The following ZNF433 variants were observed in gnomAD, a reference collection of about 807,000 sequenced individuals.
ZNF433 encodes the protein zinc finger protein 433.
In ZNF433, 12 loss-of-function variants were observed where a neutral mutation model predicts 10.6. The ratio of observed to expected loss-of-function variants is 1.13; its 90% CI spans 0.72 to 1.83. The LOEUF is 1.83. ZNF433 is among the 40% of genes most tolerant of loss of function. ZNF433 has a pLI of 0.00. For synonymous variants in ZNF433, 272 were observed against 271.3 expected, an observed-to-expected ratio of 1.00 and a Z score of -0.02; for missense variants, 737 against 798.0, an observed-to-expected ratio of 0.92 and a Z score of 0.92.
intron 1 of ZNF433, among the ~76,000 whole-genome samples, chr19:12,020,103 C>A (rs1974411092): frequency 6.6e-6 from 1 of 152,076 alleles, no homozygotes; most frequent in African/African-American, 2.4e-5. Context: ...GAAACCCCAT[C>A]TCTACTAAAA....
chr19:12,026,583 C>T (rs928605396), intron 1 of ZNF433: 2 of 406,964 alleles, frequency 4.9e-6, no homozygotes, highest in Non-Finnish European at 9.8e-6. Context: ...GACACAGTTA[C>T]ACATGCTTTC....
intron 3 of ZNF433, among the ~76,000 whole-genome samples, chr19:12,017,082 T>A (rs1299063434): frequency 6.6e-6 from 1 of 152,132 alleles, no homozygotes; most frequent in Non-Finnish European, 1.5e-5. Flanking sequence ...ACTGTAGGCT[T>A]TCTGCCCTGT....
In ZNF433 at chr19:12,035,626, G is replaced by A; in HGVS notation, c.-87C>T. On this transcript the variant is annotated 5_prime_UTR_variant, in exon 1 of 4. Coordinates refer to ENST00000550507, the MANE Select transcript of ZNF433 (RefSeq NM_001308348.2). ...TGGCAGAGGCACCTGAACCCTCTCG[G>A]AGGGGAAAGCCAGGCTCCCAACCTC... 1 of 1,522,878 alleles carries A rather than the reference G, an allele frequency of 6.6e-7. No individual in the cohort carries two copies. The highest frequency in any genetic ancestry group is 1.7e-4 in the Middle Eastern group (1 of 5,884). 94.3% of individuals were successfully genotyped at this position (1,522,878 alleles called of 1,614,324 possible).
In ZNF433 at chr19:12,015,283, GT is replaced by G; in HGVS notation, c.1574del (p.His525ProfsTer143). Reference protein sequence around the residue: ...SSSFRYHGRTHTGEKPYECKQ... With the variant: ...SSSFRYHGRTXTGEKPYECKQ... ...TGCATTCATAGGGTTTCTCTCCAGTGTGAGTCCTTCCATGATATCGAAAGGA... is the reference window on the plus strand; with the variant it reads ...TGCATTCATAGGGTTTCTCTCCAGTGGAGTCCTTCCATGATATCGAAAGGA... On this transcript the variant is annotated frameshift_variant, in exon 4 of 4. Coordinates refer to ENST00000550507, the MANE Select transcript of ZNF433 (RefSeq NM_001308348.2). LOFTEE classifies it low-confidence loss of function (END_TRUNC). 1 of 1,614,120 alleles carries G rather than the reference GT, an allele frequency of 6.2e-7. No individual in the cohort carries two copies. Among genetic ancestry groups the G allele is most frequent in the Middle Eastern group, 1.6e-4 (1 of 6,062 alleles).
chr19:12,022,179 T>C lies in ZNF433; in HGVS notation c.4-3887A>G, dbSNP rs1381773530. Reference sequence around the variant, plus strand: ...GGCCCACCCAGGGTAGAAAACCACTTAAAGGTGTTCCTAAACCACAAACAA... The same window carrying C: ...GGCCCACCCAGGGTAGAAAACCACTCAAAGGTGTTCCTAAACCACAAACAA... On this transcript the variant is annotated intron_variant, in intron 1 of 3. Coordinates refer to ENST00000550507, the MANE Select transcript of ZNF433 (RefSeq NM_001308348.2). 1.3e-5 allele frequency: 5 copies of C among 379,536 alleles called. No individual in the cohort carries two copies. The East Asian group carries it at 3.0e-4, about 23-fold the overall frequency. 23.5% of individuals were successfully genotyped at this position (379,536 alleles called of 1,614,324 possible). A position where few individuals can be genotyped will look rare whatever the true frequency, so the allele number is the denominator to read the frequency against.
At chr19:12,027,941 T>A (rs1244608970) in intron 1 of ZNF433, 1 of 152,228 alleles carries the variant, frequency 6.6e-6, no homozygotes, top group Non-Finnish European at 1.5e-5. Context: ...TTCCCAGGAA[T>A]TCTACAAACC....
chr19:12,022,183 G>C (rs1386169200), intron 1 of ZNF433: 1 of 377,196 alleles, frequency 2.7e-6, no homozygotes, highest in African/African-American at 2.1e-5. Flanking sequence ...ACCACTTAAA[G>C]GTGTTCCTAA....
At chr19:12,019,083 AG>A (rs1172455048) in intron 1 of ZNF433, among the ~76,000 whole-genome samples, 1 of 148,410 alleles carries the variant, frequency 6.7e-6, no homozygotes. Flanking sequence ...AAAAATTTCC[AG>A]GCACCTAGTC....
At chr19:12,027,149 G>A (rs1327264311) in intron 1 of ZNF433, 1 of 447,286 alleles carries the variant, frequency 2.2e-6, no homozygotes, top group East Asian at 7.0e-5. Context: ...TGAAGGAGCT[G>A]CAGATGGATT....
At chr19:12,031,316 CAAAA>C (rs1175208367) in intron 1 of ZNF433, among the ~76,000 whole-genome samples, 1 of 102,470 alleles carries the variant, frequency 9.8e-6, no homozygotes, top group Non-Finnish European at 1.9e-5. Flanking sequence ...AAAAACAAAA[CAAAA>C]AAAAAAACAA....
intron 1 of ZNF433, among the ~76,000 whole-genome samples, chr19:12,020,447 A>G (rs941586348): frequency 2.6e-5 from 4 of 152,246 alleles, no homozygotes; most frequent in African/African-American, 9.6e-5. Context: ...AAGTATTCAT[A>G]AAATAATAAA....
At chr19:12,032,394 CACA>C (rs1473854384) in intron 1 of ZNF433, among the ~76,000 whole-genome samples, 1 of 151,972 alleles carries the variant, frequency 6.6e-6, no homozygotes. Context: ...GGAAATCACC[CACA>C]ACAAAAGGAT....
intron 1 of ZNF433, among the ~76,000 whole-genome samples, chr19:12,019,773 C>T (rs1188499180): frequency 6.6e-6 from 1 of 152,104 alleles, no homozygotes; most frequent in Non-Finnish European, 1.5e-5. Context: ...ACAACAATCA[C>T]AAAACTTCAG....
In ZNF433 at chr19:12,016,288, A is replaced by G. The variant is rs759858064; in HGVS notation, c.570T>C (p.Arg190=). 1.1e-5 allele frequency: 17 copies of G among 1,614,212 alleles called. No homozygotes were observed. In the South Asian group the frequency reaches 1.6e-4, roughly 16 times the overall value. The change falls in exon 4 of 4, where the codon CGT becomes CGC. Residue 190 remains arginine (R), a synonymous_variant. Transcript: ENST00000550507. ...ATTTACACTTATAAGGTCCATCTCC[A>G]CGGTGCATTATCCTGTGTCTTTGAA... is the stretch of plus-strand genomic sequence containing the variant. ...SNLQRHRIMH[R]GDGPYKCKFC...
intron 1 of ZNF433, chr19:12,030,081 CAAAA>C (rs74180055): frequency 0.01 from 2,114 of 202,466 alleles, no homozygotes; most frequent in East Asian, 0.016. Context: ...GACTCCATCT[CAAAA>C]AAAAAAAAAA....
chr19:12,032,508 G>A (rs1975084223), intron 1 of ZNF433, among the ~76,000 whole-genome samples: 1 of 150,026 alleles, frequency 6.7e-6, no homozygotes, highest in African/African-American at 2.5e-5. Context: ...TTTTGAGATG[G>A]AGACTCGCCC....
chr19:12,034,828 A>G (rs1253333342), intron 1 of ZNF433: 1 of 445,222 alleles, frequency 2.2e-6, no homozygotes, highest in Admixed American at 2.4e-5. Context: ...AGGAACTTAC[A>G]CCTTTCCAGG....
In ZNF433 at chr19:12,015,777, T is replaced by C. The variant is rs996862302; in HGVS notation, c.1081A>G (p.Ile361Val). ...CCACATATCTTACATTTATGAGATA[T>C]CTCTCCAGTGTGCATTCCCAAGTGG... is the stretch of plus-strand genomic sequence containing the variant. Reference protein sequence around the residue: ...QNHLGMHTGEISHKCKICGKA... With the variant: ...QNHLGMHTGEVSHKCKICGKA... The change falls in exon 4 of 4, where the codon ATA becomes GTA. Residue 361 changes from isoleucine (I) to valine (V), a missense_variant. Coordinates refer to ENST00000550507, the MANE Select transcript of ZNF433 (RefSeq NM_001308348.2). The C allele has an allele frequency of 3.1e-6, 5 of 1,614,096 alleles. No homozygotes were observed. Among genetic ancestry groups the C allele is most frequent in the Non-Finnish European group, 4.2e-6 (5 of 1,180,004 alleles).
chr19:12,034,596 A>G, intron 1 of ZNF433: 1 of 316,984 alleles, frequency 3.2e-6, no homozygotes, highest in South Asian at 2.7e-5. Context: ...GCAAGAGGTA[A>G]GTCAAATCTT....
Sources: gnomAD v4.1 joint callset for allele counts (sites outside exome capture counted in the v4.1 genomes callset) on GRCh38, gnomAD v4.1.1 for gene constraint, MANE v1.5 for transcripts, NCBI Gene and HGNC (gene_info 2026-07-23, HGNC 2026-07-21) for gene names.